The following HDAC9 variants were observed in gnomAD, a reference collection of about 807,000 sequenced individuals.
The protein encoded by HDAC9 is MEF-2 interacting transcription repressor (MITR) protein.
In HDAC9, 41 loss-of-function variants were observed where a neutral mutation model predicts 139.4. The ratio of observed to expected loss-of-function variants is 0.29; its 90% CI spans 0.23 to 0.38. The LOEUF (loss-of-function observed/expected upper bound fraction) is 0.38. Ranked by LOEUF, HDAC9 falls within the 10% of genes least tolerant of loss-of-function variation. The pLI is 1.00. For missense variants in HDAC9, 1,147 were observed against 1,297.0 expected, an observed-to-expected ratio of 0.88 and a Z score of 1.78; for synonymous variants, 517 against 476.2, an observed-to-expected ratio of 1.09 and a Z score of -1.12.
At chr7:18,271,887 T>C (rs2128214044) in intron 2 of HDAC9, among the ~76,000 whole-genome samples, 1 of 152,306 alleles carries the variant, frequency 6.6e-6, no homozygotes, top group East Asian at 1.9e-4. Context: ...AGAACATTGA[T>C]AGCATTTAGT....
chr7:18,260,323 G>GTTTTTTTTTTTTTT (rs368857394), intron 2 of HDAC9, among the ~76,000 whole-genome samples: 5 of 115,636 alleles, frequency 4.3e-5, no homozygotes, highest in Non-Finnish European at 7.0e-5. Context: ...TTTTTTTTTT[G>GTTTTTTTTTTTTTT]TTTTTTTTTT....
chr7:18,125,920 C>G (rs1784636666), intron 1 of HDAC9, among the ~76,000 whole-genome samples: 1 of 152,120 alleles, frequency 6.6e-6, no homozygotes, highest in South Asian at 2.1e-4. Context: ...CGAAACAGGC[C>G]TACAGGCTGT....
chr7:18,493,779 TA>T (rs199845362), upstream of HDAC9, among the ~76,000 whole-genome samples: 488 of 138,746 alleles, frequency 3.5e-3, 1 homozygote, highest in Middle Eastern at 0.011. Flanking sequence ...TTTTGTAGAA[TA>T]AAAAAAAAAA....
chr7:18,660,637 A>T (rs1244010572), intron 11 of HDAC9, among the ~76,000 whole-genome samples: 1 of 152,154 alleles, frequency 6.6e-6, no homozygotes, highest in African/African-American at 2.4e-5. Context: ...CCAGACAACA[A>T]TAAGGACTCT....
At chr7:18,995,127 A>C (rs1786356339) in intron 25 of HDAC9, among the ~76,000 whole-genome samples, 2 of 152,224 alleles carry the variant, frequency 1.3e-5, no homozygotes, top group Admixed American at 1.3e-4. Context: ...TTTTATAAGG[A>C]ACATCATTTT....
intron 1 of HDAC9, among the ~76,000 whole-genome samples, chr7:18,390,709 G>A (rs529149217): frequency 1.4e-4 from 22 of 152,316 alleles, no homozygotes; most frequent in Non-Finnish European, 2.5e-4. Flanking sequence ...CTAACTAGCT[G>A]CATGGCCAAG....
intron 1 of HDAC9, among the ~76,000 whole-genome samples, chr7:18,294,009 C>A (rs1797984271): frequency 6.6e-6 from 1 of 151,904 alleles, no homozygotes; most frequent in Non-Finnish European, 1.5e-5. Context: ...ATAGATAAAG[C>A]ATTGTTTTCC....
chr7:18,694,725 C>A (rs142548168), intron 12 of HDAC9, among the ~76,000 whole-genome samples: 1 of 152,074 alleles, frequency 6.6e-6, no homozygotes, highest in Non-Finnish European at 1.5e-5. Flanking sequence ...AGTGTATCTG[C>A]CCTGATTGAC....
intron 2 of HDAC9, among the ~76,000 whole-genome samples, chr7:18,551,577 G>A (rs966713695): frequency 1.2e-4 from 18 of 152,268 alleles, no homozygotes; most frequent in Middle Eastern, 3.4e-3. Context: ...TATCAAAAGC[G>A]ATCCAATTAC....
chr7:18,399,374 G>A (rs10267711), intron 1 of HDAC9, among the ~76,000 whole-genome samples: 21,547 of 152,014 alleles, frequency 0.14, 3,220 homozygotes, highest in African/African-American at 0.37. Context: ...CCCAATTTCT[G>A]GTACAGTAAC....
chr7:18,197,003 C>T (rs1790774702), intron 2 of HDAC9, among the ~76,000 whole-genome samples: 1 of 152,144 alleles, frequency 6.6e-6, no homozygotes, highest in African/African-American at 2.4e-5. Context: ...CAGATTGCCC[C>T]CTTTAATGGG....
chr7:18,802,962 T>C (rs1018258685), intron 17 of HDAC9, among the ~76,000 whole-genome samples: 1 of 151,958 alleles, frequency 6.6e-6, no homozygotes, highest in East Asian at 1.9e-4. Context: ...GGGAGTTCAA[T>C]TCACTTATAT....
intron 21 of HDAC9, among the ~76,000 whole-genome samples, chr7:18,847,391 A>G (rs1353352866): frequency 6.6e-6 from 1 of 151,730 alleles, no homozygotes; most frequent in Non-Finnish European, 1.5e-5. Flanking sequence ...ATTTTTAAGG[A>G]CTGAAATGAT....
At position 18,114,633 on chromosome 7, in the gene HDAC9, A is replaced by G. The variant is rs531802239; in HGVS notation, c.-97+27420A>G. ...GGAGAGGATCCATTCTTCAATGTCA[A>G]TCTAGATGGAGCAGTCCAGGAAGTA... On this transcript the variant is annotated intron_variant, in intron 1 of 12. Transcript: ENST00000417496. Among the ~76,000 whole-genome samples the G allele has an allele frequency of 5.9e-5, 9 of 152,302 alleles. No individual in the cohort carries two copies. The East Asian group carries it at 9.7e-4, about 16-fold the overall frequency.
chr7:18,780,011 C>T (rs909543483), intron 16 of HDAC9, among the ~76,000 whole-genome samples: 6 of 152,016 alleles, frequency 3.9e-5, no homozygotes, highest in Non-Finnish European at 8.8e-5. Flanking sequence ...TTTACGTTGT[C>T]ACTGCTCCAA....
chr7:18,369,794 G>A (rs1330699364), intron 1 of HDAC9, among the ~76,000 whole-genome samples: 2 of 151,994 alleles, frequency 1.3e-5, no homozygotes, highest in Non-Finnish European at 1.5e-5. Context: ...GGAGGTGTGC[G>A]CTCACTGTGT....
chr7:18,184,819 T>C (rs1354206793), intron 2 of HDAC9, among the ~76,000 whole-genome samples: 1 of 152,230 alleles, frequency 6.6e-6, no homozygotes, highest in East Asian at 1.9e-4. Context: ...GATATTTTAA[T>C]ATTATAGTAC....
At chr7:18,864,611 T>A (rs1460277123) in intron 21 of HDAC9, among the ~76,000 whole-genome samples, 8 of 110,172 alleles carry the variant, frequency 7.3e-5, no homozygotes, top group Non-Finnish European at 9.0e-5. Flanking sequence ...CTTACCACAA[T>A]TAAAAAAAAA....
intron 21 of HDAC9, among the ~76,000 whole-genome samples, chr7:18,853,619 C>T (rs1797460253): frequency 6.6e-6 from 1 of 151,888 alleles, no homozygotes. Flanking sequence ...CTTTAAAGTA[C>T]CTATTTGAAA....
Sources: gnomAD v4.1 joint callset for allele counts (sites outside exome capture counted in the v4.1 genomes callset) on GRCh38, gnomAD v4.1.1 for gene constraint, MANE v1.5 for transcripts, NCBI Gene and HGNC (gene_info 2026-07-23, HGNC 2026-07-21) for gene names.